The following PPFIA2 variants were observed in gnomAD, a reference collection of about 807,000 sequenced individuals.
PPFIA2 encodes the protein PPFI scaffold protein A2.
In PPFIA2, 46 loss-of-function variants were observed where a neutral mutation model predicts 175.5. The ratio of observed to expected loss-of-function variants is 0.26; its 90% CI spans 0.21 to 0.34. The LOEUF is 0.34. Among genes scored for constraint, PPFIA2 ranks in the 10% least tolerant of loss-of-function variants. The pLI is 1.00. For synonymous variants in PPFIA2, 568 were observed against 511.4 expected (o/e 1.11, Z -1.49); for missense variants, 1,179 against 1,506.1 (o/e 0.78, Z 3.60).
At chr12:81,309,083 T>C (rs1194665421) in intron 22 of PPFIA2, among the ~76,000 whole-genome samples, 2 of 152,178 alleles carry the variant, frequency 1.3e-5, no homozygotes, top group South Asian at 2.1e-4. Flanking sequence ...CTTCCTTACA[T>C]AATAGTAGCA....
At chr12:81,585,564 C>A (rs895702642) in intron 4 of PPFIA2, among the ~76,000 whole-genome samples, 43 of 151,764 alleles carry the variant, frequency 2.8e-4, no homozygotes, top group Non-Finnish European at 8.8e-5. Flanking sequence ...AGCCCAGGCC[C>A]ACAGAGGCTC....
At chr12:81,307,534 T>C (rs1255086521) in intron 22 of PPFIA2, among the ~76,000 whole-genome samples, 1 of 152,202 alleles carries the variant, frequency 6.6e-6, no homozygotes, top group Non-Finnish European at 1.5e-5. Flanking sequence ...CAATGTTATA[T>C]CTAACATTCA....
chr12:81,520,899 G>T (rs182124559), intron 4 of PPFIA2, among the ~76,000 whole-genome samples: 68 of 152,332 alleles, frequency 4.5e-4, no homozygotes, highest in African/African-American at 1.5e-3. Context: ...AGCCCAGGAA[G>T]AGGGTTTGTT....
At chr12:81,380,848 T>C (rs1414479189) in intron 9 of PPFIA2, among the ~76,000 whole-genome samples, 1 of 152,136 alleles carries the variant, frequency 6.6e-6, no homozygotes, top group Admixed American at 6.6e-5. Context: ...TTCCATGTAA[T>C]ACACCCGTAA....
chr12:81,713,271 A>G (rs959959403), intron 3 of PPFIA2, among the ~76,000 whole-genome samples: 1 of 151,036 alleles, frequency 6.6e-6, no homozygotes, highest in Non-Finnish European at 1.5e-5. Flanking sequence ...TTCCTCTTTG[A>G]CATATGAGAA....
At chr12:81,465,721 C>CATTTGAG in intron 4 of PPFIA2, among the ~76,000 whole-genome samples, 2 of 152,012 alleles carry the variant, frequency 1.3e-5, no homozygotes, top group South Asian at 4.2e-4. Flanking sequence ...CTTTCTAGAA[C>CATTTGAG]CGATTAATAA....
Position 81,347,574 on chromosome 12 carries a change from T to A in PPFIA2, c.2191A>T (p.Ser731Cys). ...GHSTPKLTPR[S>C]PAREMDRMGV... ...ATCCGATCCATTTCCCTGGCAGGGC[T>A]TCGAGGGGTGAGCTTTGGAGTTGAG... Residue 731 changes from serine (S) to cysteine (C), a missense_variant, in exon 18 of 33, where the codon AGC becomes TGC. By Grantham distance (112) the Ser-to-Cys change is moderately radical (BLOSUM62 -1). Around this residue, in one of 10 missense-constraint regions of PPFIA2, gnomAD observed 223 missense variants for 241.6 expected, o/e 0.92. Transcript: ENST00000549396. The A allele has an allele frequency of 6.2e-7, 1 of 1,613,554 alleles. No individual in the cohort carries two copies. Among genetic ancestry groups the A allele is most frequent in the Non-Finnish European group, 8.5e-7 (1 of 1,179,520 alleles).
intron 22 of PPFIA2, among the ~76,000 whole-genome samples, chr12:81,320,110 G>C (rs2053327876): frequency 6.6e-6 from 1 of 151,928 alleles, no homozygotes; most frequent in Non-Finnish European, 1.5e-5. Flanking sequence ...GAATATTGTG[G>C]AGTTTCTGTG....
intron 5 of PPFIA2, among the ~76,000 whole-genome samples, chr12:81,447,126 G>A (rs752088577): frequency 4.0e-5 from 6 of 151,882 alleles, no homozygotes; most frequent in African/African-American, 7.3e-5. Context: ...GTGAAACCCC[G>A]TCTCTACTAA....
At chr12:81,735,965 G>C (rs766066992) in intron 3 of PPFIA2, among the ~76,000 whole-genome samples, 14 of 151,880 alleles carry the variant, frequency 9.2e-5, no homozygotes, top group East Asian at 1.9e-4. Context: ...CCTGTTTACT[G>C]TCCTTTTAGA....
At chr12:81,738,188 G>C (rs1473040144) in intron 3 of PPFIA2, among the ~76,000 whole-genome samples, 2 of 150,962 alleles carry the variant, frequency 1.3e-5, no homozygotes, top group East Asian at 3.9e-4. Flanking sequence ...CAGCAACAAT[G>C]AAAGTCAGAA....
intron 3 of PPFIA2, among the ~76,000 whole-genome samples, chr12:81,732,671 G>A (rs1446017528): frequency 6.6e-6 from 1 of 151,260 alleles, no homozygotes; most frequent in Non-Finnish European, 1.5e-5. Context: ...AGGAAAAAGA[G>A]GAAATAAAAA....
chr12:81,470,586 G>A (rs934790316), intron 4 of PPFIA2, among the ~76,000 whole-genome samples: 3 of 152,130 alleles, frequency 2.0e-5, no homozygotes, highest in African/African-American at 7.2e-5. Context: ...CAAGAAAATT[G>A]AAAACATATG....
intron 24 of PPFIA2, among the ~76,000 whole-genome samples, chr12:81,288,686 T>C (rs1415253243): frequency 6.6e-6 from 1 of 151,796 alleles, no homozygotes; most frequent in Non-Finnish European, 1.5e-5. Context: ...AAAGTGTTTT[T>C]TACTTTGTAA....
intron 4 of PPFIA2, among the ~76,000 whole-genome samples, chr12:81,568,927 T>C (rs965619859): frequency 1.3e-5 from 2 of 152,114 alleles, no homozygotes; most frequent in African/African-American, 2.4e-5. Context: ...AAGATAAATA[T>C]TCATATTTAT....
intron 4 of PPFIA2, among the ~76,000 whole-genome samples, chr12:81,490,356 C>T (rs2059295690): frequency 6.6e-6 from 1 of 151,902 alleles, no homozygotes; most frequent in South Asian, 2.1e-4. Flanking sequence ...CAGTGGAAGT[C>T]CTTAATTACC....
At chr12:81,661,952 G>C (rs906424580) in intron 4 of PPFIA2, among the ~76,000 whole-genome samples, 13 of 152,114 alleles carry the variant, frequency 8.5e-5, no homozygotes, top group Admixed American at 2.6e-4. Context: ...AATGACTACT[G>C]GGTATATAAC....
At chr12:81,494,286 C>T (rs1401363617) in intron 4 of PPFIA2, among the ~76,000 whole-genome samples, 6 of 151,854 alleles carry the variant, frequency 4.0e-5, no homozygotes, top group African/African-American at 9.7e-5. Context: ...GGGCAAAGGA[C>T]ATGAACAGAC....
chr12:81,642,769 T>TATGTATATATTATATACATGC lies in PPFIA2; in HGVS notation c.303+34021_303+34022insGCATGTATATAATATATACAT. 6.3e-5 allele frequency among the ~76,000 whole-genome samples: 2 copies of TATGTATATATTATATACATGC among 31,608 alleles called. 1 individual carries two copies. The highest frequency in any genetic ancestry group is 2.3e-3 in the East Asian group (2 of 882). The allele number at this position is 31,608 out of a possible 152,430, so 20.7% of individuals were successfully genotyped here. On this transcript the variant is annotated intron_variant, in intron 4 of 32. Transcript: ENST00000549396. Reference sequence around the variant, plus strand: ...TGTATTATATACATACATGTATATGTATGTATGTATTATATACATACATGT... The same window carrying TATGTATATATTATATACATGC: ...TGTATTATATACATACATGTATATGTATGTATATATTATATACATGCATGTATGTATTATATACATACATGT...
Sources: gnomAD v4.1 joint callset for allele counts (sites outside exome capture counted in the v4.1 genomes callset) on GRCh38, gnomAD v4.1.1 for gene constraint, gnomAD v4.1.1 regional missense constraint, MANE v1.5 for transcripts, NCBI Gene and HGNC (gene_info 2026-07-23, HGNC 2026-07-21) for gene names.